Variants in PPIE observed in about 807,000 individuals in gnomAD.
PPIE encodes the protein peptidyl-prolyl cis-trans isomerase E.
In PPIE, 20 loss-of-function variants were observed where a neutral mutation model predicts 38.4. The ratio of observed to expected loss-of-function variants is 0.52; its 90% confidence interval spans 0.37 to 0.76. The LOEUF (loss-of-function observed/expected upper bound fraction) is 0.76, where lower values mean the gene tolerates loss of function less well. PPIE is among the 30% of genes least tolerant of loss of function. PPIE has a pLI of 0.00. For synonymous variants in PPIE, 142 were observed against 135.7 expected, an observed-to-expected ratio of 1.05 and a Z score of -0.32; for missense variants, 322 against 385.8, an observed-to-expected ratio of 0.83 and a Z score of 1.39.
intron 5 of PPIE, 77 bp from the exon 6 acceptor site, chr1:39,743,747 C>A: frequency 8.3e-7 from 1 of 1,205,526 alleles, no homozygotes; most frequent in Non-Finnish European, 1.2e-6. Context: ...GCATCTTCCA[C>A]TTTGCTGACC....
rs933212412 is a variant in PPIE, at chr1:39,745,532, G to A, written c.508+34G>A. ...GACGCTGTGGTCAGAACGGCGGGAC[G>A]CTGGTGGCTGAGCAGTGAGCCTTTC... is the stretch of plus-strand genomic sequence containing the variant. On this transcript the variant is annotated intron_variant, in intron 7 of 9. Coordinates refer to ENST00000324379, the MANE Select transcript of PPIE (RefSeq NM_006112.4). The A allele has an allele frequency of 1.4e-5, 23 of 1,613,494 alleles. No individual in the cohort carries two copies. In the Admixed American group the frequency reaches 1.7e-4, roughly 12 times the overall value.
intron 7 of PPIE, chr1:39,748,658 C>G (rs1647370840): frequency 4.4e-6 from 2 of 458,190 alleles, no homozygotes; most frequent in East Asian, 4.5e-5. Context: ...TGACTTGAAC[C>G]CAAGAGGTGG....
chr1:39,743,012 G>C, intron 4 of PPIE: 1 of 514,862 alleles, frequency 1.9e-6, no homozygotes, highest in Non-Finnish European at 3.5e-6. Context: ...TGGTAATACA[G>C]GTCTTTGTGT....
Position 39,754,517 on chromosome 1 carries a change from C to T in PPIE, c.*1162C>T, listed in dbSNP as rs764396148. Among the ~76,000 whole-genome samples the T allele has an allele frequency of 6.6e-6, 1 of 152,190 alleles. No homozygotes were observed. Among genetic ancestry groups the T allele is most frequent in the Non-Finnish European group, 1.5e-5 (1 of 68,038 alleles). On this transcript the variant is annotated 3_prime_UTR_variant, in exon 10 of 10. Coordinates refer to ENST00000324379, the MANE Select transcript of PPIE (RefSeq NM_006112.4). ...CAACTGATTGGATGAGGCCTACCCA[C>T]ATTATGGAGGGTAATCTGCTTTACT...
At chr1:39,761,609 C>T (rs1648990344), downstream of PPIE, among the ~76,000 whole-genome samples, 1 of 152,146 alleles carries the variant, frequency 6.6e-6, no homozygotes, top group African/African-American at 2.4e-5. Flanking sequence ...TGTCACCTCC[C>T]TCCGCCCTCC....
intron 2 of PPIE, among the ~76,000 whole-genome samples, chr1:39,740,760 A>G (rs1647036937): frequency 6.6e-6 from 1 of 152,138 alleles, no homozygotes; most frequent in East Asian, 1.9e-4. Context: ...CATTTTTAAG[A>G]TTATAGTTTT....
chr1:39,740,257 G>A lies in PPIE; in HGVS notation c.124G>A (p.Glu42Lys), dbSNP rs1569626277. 1 of 1,612,878 alleles carries A rather than the reference G, an allele frequency of 6.2e-7. No homozygotes were observed. Among genetic ancestry groups the A allele is most frequent in the Non-Finnish European group, 8.5e-7 (1 of 1,178,984 alleles). Residue 42 changes from glutamate to lysine, a missense_variant, in exon 2 of 10, where the codon GAA (glutamate) becomes AAA (lysine). Glu to Lys is a moderately conservative substitution (Grantham distance 56). Coordinates refer to ENST00000324379, the MANE Select transcript of PPIE (RefSeq NM_006112.4). ...AGATATTCAGATTCCTCTGGATTAT[G>A]AAACAGGTGAGTTAGTGTCTCTCAC... Reference protein sequence around the residue: ...ITDIQIPLDYETEKHRGFAFV... With the variant: ...ITDIQIPLDYKTEKHRGFAFV...
intron 8 of PPIE, among the ~76,000 whole-genome samples, chr1:39,750,798 A>G (rs1647643678): frequency 6.6e-6 from 1 of 152,298 alleles, no homozygotes; most frequent in Admixed American, 6.5e-5. Context: ...TTGGTTCTCC[A>G]GAAGCCTGTT....
At chr1:39,761,878 G>C (rs1177104599) in intron 9 of PPIE, among the ~76,000 whole-genome samples, 1 of 152,244 alleles carries the variant, frequency 6.6e-6, no homozygotes, top group Non-Finnish European at 1.5e-5. Flanking sequence ...CTCCCCTAGA[G>C]CGCAGCGCCT....
rs1370521995 is a variant in PPIE, at chr1:39,753,417, A to G, written c.*62A>G. The G allele has an allele frequency of 6.3e-7, 1 of 1,593,834 alleles. No individual in the cohort carries two copies. The highest frequency in any genetic ancestry group is 8.5e-7 in the Non-Finnish European group (1 of 1,169,944). On this transcript the variant is annotated 3_prime_UTR_variant, in exon 10 of 10. Coordinates refer to ENST00000324379, the MANE Select transcript of PPIE (RefSeq NM_006112.4). Reference sequence around the variant, plus strand: ...CCTGCATATCCAGGAAGGAACTGCCAGCCTCAGAGGAGGCAGCACCGAGGG... The same window carrying G: ...CCTGCATATCCAGGAAGGAACTGCCGGCCTCAGAGGAGGCAGCACCGAGGG...
chr1:39,763,060 A>C (rs756417223), intron 9 of PPIE: 1 of 1,604,342 alleles, frequency 6.2e-7, no homozygotes, highest in Non-Finnish European at 8.5e-7. Context: ...CCCCCACCCC[A>C]GGGGGCTGGG....
intron 3 of PPIE, 166 bp downstream of exon 3, chr1:39,741,575 C>T (rs1647058038): frequency 1.4e-6 from 1 of 735,784 alleles, no homozygotes; most frequent in Non-Finnish European, 2.3e-6. Context: ...CATAATCAGA[C>T]TGGACTGTGA....
intron 6 of PPIE, among the ~76,000 whole-genome samples, chr1:39,744,212 AG>A (rs1374486912): frequency 1.3e-5 from 2 of 152,170 alleles, no homozygotes; most frequent in Non-Finnish European, 2.9e-5. Flanking sequence ...ACTGACAGGG[AG>A]GAAGCTGAGG....
chr1:39,748,836 G>A (rs1647388748), intron 7 of PPIE, 67 bp from the exon 8 acceptor site: 1 of 1,487,430 alleles, frequency 6.7e-7, no homozygotes, highest in South Asian at 1.2e-5. Context: ...CTAAACCAAA[G>A]TTTTTTCGAG....
At chr1:39,752,845 G>A (rs1210812186) in intron 8 of PPIE, 65 bp from the exon 9 acceptor site, 7 of 1,566,880 alleles carry the variant, frequency 4.5e-6, no homozygotes, top group Non-Finnish European at 6.0e-6. Context: ...TCAACAGCCT[G>A]CACAGACGTC....
chr1:39,745,751 G>A lies in PPIE; in HGVS notation c.508+253G>A. The A allele has an allele frequency of 8.8e-6, 4 of 455,394 alleles. No individual in the cohort carries two copies. In the South Asian group the frequency reaches 1.4e-4, roughly 16 times the overall value. The allele number at this position is 455,394 out of a possible 1,614,324, so 28.2% of individuals were successfully genotyped here. On this transcript the variant is annotated intron_variant, in intron 7 of 9. Coordinates refer to ENST00000324379, the MANE Select transcript of PPIE (RefSeq NM_006112.4). Reference sequence around the variant, plus strand: ...TAAATAATGTATTCTTTTTTTTAAAGAATAGCATATACATATATTCCAATA... The same window carrying A: ...TAAATAATGTATTCTTTTTTTTAAAAAATAGCATATACATATATTCCAATA...
chr1:39,755,759 G>A lies in PPIE; in HGVS notation c.*2404G>A, dbSNP rs1395487681. On this transcript the variant is annotated 3_prime_UTR_variant, in exon 10 of 10. Coordinates refer to ENST00000324379, the MANE Select transcript of PPIE (RefSeq NM_006112.4). The stretch of plus-strand genomic sequence containing the variant: ...CTCAGCAGGTTTGGAGCCATTGGGT[G>A]TGGACTCCTCTCCCAGTGTTCCTCC... The A allele has an allele frequency of 1.5e-5, 15 of 985,284 alleles. No individual in the cohort carries two copies. The highest frequency in any genetic ancestry group is 1.7e-5 in the African/African-American group (1 of 57,218). 61.0% of individuals were successfully genotyped at this position (985,284 alleles called of 1,614,324 possible). A position where few individuals can be genotyped will look rare whatever the true frequency, so the allele number is the denominator to read the frequency against.
chr1:39,744,314 G>A (rs1282523129), intron 6 of PPIE, among the ~76,000 whole-genome samples: 2 of 152,176 alleles, frequency 1.3e-5, no homozygotes, highest in African/African-American at 2.4e-5. Flanking sequence ...TGCTAATGGA[G>A]GGGAGACAGA....
In PPIE at chr1:39,755,436, T is replaced by C. The variant is rs1433047639; in HGVS notation, c.*2081T>C. ...GAGTTCAGGCTCCATGTAGCTGGGA[T>C]ATACTACATGGTTACCCCTCACCCC... On this transcript the variant is annotated 3_prime_UTR_variant, in exon 10 of 10. Coordinates refer to ENST00000324379, the MANE Select transcript of PPIE (RefSeq NM_006112.4). 16 of 985,438 alleles carry C rather than the reference T, an allele frequency of 1.6e-5. No individual in the cohort carries two copies. Among genetic ancestry groups the C allele is most frequent in the Non-Finnish European group, 1.7e-5 (14 of 829,930 alleles). 61.0% of individuals were successfully genotyped at this position (985,438 alleles called of 1,614,324 possible).
Sources: gnomAD v4.1 joint callset for allele counts (sites outside exome capture counted in the v4.1 genomes callset) on GRCh38, gnomAD v4.1.1 for gene constraint, MANE v1.5 for transcripts, NCBI Gene and HGNC (gene_info 2026-07-23, HGNC 2026-07-21) for gene names.